The following PLEKHG7 variants were observed in gnomAD, a reference collection of about 807,000 sequenced individuals.
PLEKHG7 encodes pleckstrin homology domain-containing family G member 7.
Under a neutral mutation model 85.2 loss-of-function variants are expected in PLEKHG7, and 77 were observed. The observed-to-expected ratio is 0.90, with a 90% confidence interval of 0.75 to 1.09. The LOEUF is 1.09. PLEKHG7 is among the 50% of genes least tolerant of loss of function. The pLI is 0.00. For synonymous variants in PLEKHG7, 301 were observed against 302.4 expected (o/e 1.00, Z 0.05); for missense variants, 777 against 804.3 (o/e 0.97, Z 0.41).
chr12:92,716,952 C>T (rs539908145), intron 3 of PLEKHG7, among the ~76,000 whole-genome samples: 20 of 152,336 alleles, frequency 1.3e-4, no homozygotes, highest in Middle Eastern at 6.8e-3. Flanking sequence ...ATCCCCAATG[C>T]ATTTGCATTT....
chr12:92,728,913 T>C (rs1871901610), intron 3 of PLEKHG7, 80 bp from the exon 4 acceptor site: 6 of 1,118,296 alleles, frequency 5.4e-6, no homozygotes, highest in Non-Finnish European at 6.8e-6. Context: ...TCTGTTGTTT[T>C]TTTACTTTTT....
chr12:92,731,487 T>C (rs1871992187), intron 4 of PLEKHG7, among the ~76,000 whole-genome samples: 1 of 152,220 alleles, frequency 6.6e-6, no homozygotes, highest in Admixed American at 6.5e-5. Context: ...CCATTTTGTA[T>C]GCTGAATGGT....
At chr12:92,752,467 A>G (rs1872716860) in intron 10 of PLEKHG7, among the ~76,000 whole-genome samples, 1 of 152,028 alleles carries the variant, frequency 6.6e-6, no homozygotes. Context: ...CTAGGGGAGG[A>G]GTTTAGACCT....
intron 15 of PLEKHG7, among the ~76,000 whole-genome samples, chr12:92,767,311 A>T: frequency 6.6e-6 from 1 of 152,190 alleles, no homozygotes; most frequent in East Asian, 1.9e-4. Context: ...TTTATTTATA[A>T]AGTCCCTTGT....
rs1331130340 is a variant in PLEKHG7 at position 92,770,773 on chromosome 12, G to A, written c.*578G>A. 1 of 151,952 alleles carries A rather than the reference G, an allele frequency of 6.6e-6. No homozygotes were observed. The highest frequency in any genetic ancestry group is 6.6e-5 in the Admixed American group (1 of 15,256). 9.4% of individuals were successfully genotyped at this position (151,952 alleles called of 1,614,324 possible). ...TTCTCAAACTCATCTCAGGTATATAGTACTCTAACGTGGAAGTAGAAAATC... is the reference window on the plus strand; with the variant it reads ...TTCTCAAACTCATCTCAGGTATATAATACTCTAACGTGGAAGTAGAAAATC... On this transcript the variant is annotated 3_prime_UTR_variant, in exon 17 of 17. Coordinates refer to ENST00000344636, the MANE Select transcript of PLEKHG7 (RefSeq NM_001377329.1).
chr12:92,706,774 C>T lies in PLEKHG7; in HGVS notation c.143C>T (p.Ser48Leu), dbSNP rs768522315. 3.7e-6 allele frequency: 6 copies of T among 1,614,036 alleles called. No homozygotes were observed. Among genetic ancestry groups the T allele is most frequent in the Admixed American group, 3.3e-5 (2 of 60,020 alleles). ...CAAGCCCCAGGCCGCATCTCCACCT[C>T]GCCCACTTTGAGGAGATTAAGGACC... is the stretch of plus-strand genomic sequence containing the variant. ...DRQAPGRISTSPTLRRLRTRG... is the reference protein window; with the variant it reads ...DRQAPGRISTLPTLRRLRTRG... Residue 48 changes from serine to leucine, a missense_variant, in exon 2 of 17, where the codon TCG becomes TTG. By Grantham distance (145) the Ser-to-Leu change is moderately radical. Coordinates refer to ENST00000344636, the MANE Select transcript of PLEKHG7 (RefSeq NM_001377329.1).
chr12:92,765,476 A>G (rs1873167287), intron 15 of PLEKHG7, among the ~76,000 whole-genome samples: 3 of 152,042 alleles, frequency 2.0e-5, no homozygotes, highest in Non-Finnish European at 4.4e-5. Context: ...CTAAAAATAC[A>G]AAATTAGCCA....
At chr12:92,755,166 T>A (rs1872793702) in intron 11 of PLEKHG7, among the ~76,000 whole-genome samples, 1 of 152,186 alleles carries the variant, frequency 6.6e-6, no homozygotes. Flanking sequence ...CTCTGGAGAT[T>A]TCTCAGTGAA....
chr12:92,766,942 G>A (rs761578513), intron 15 of PLEKHG7, among the ~76,000 whole-genome samples: 13 of 152,092 alleles, frequency 8.5e-5, no homozygotes, highest in Non-Finnish European at 4.4e-5. Context: ...CTATTAACTT[G>A]ACTAATTAGA....
At chr12:92,725,490 G>A (rs1241156718) in intron 3 of PLEKHG7, among the ~76,000 whole-genome samples, 2 of 152,122 alleles carry the variant, frequency 1.3e-5, no homozygotes, top group Non-Finnish European at 2.9e-5. Context: ...GGTAAGAGGC[G>A]ACCATGTTAA....
At chr12:92,744,058 C>T (rs1227851988) in intron 9 of PLEKHG7, among the ~76,000 whole-genome samples, 1 of 152,180 alleles carries the variant, frequency 6.6e-6, no homozygotes, top group Non-Finnish European at 1.5e-5. Flanking sequence ...TGACATTGCT[C>T]CCTATAGTGT....
intron 15 of PLEKHG7, among the ~76,000 whole-genome samples, chr12:92,765,184 C>CT (rs1873155614): frequency 6.6e-6 from 1 of 152,026 alleles, no homozygotes; most frequent in African/African-American, 2.4e-5. Flanking sequence ...TGCTACATAA[C>CT]TAAGTTATAT....
intron 10 of PLEKHG7, among the ~76,000 whole-genome samples, chr12:92,752,462 G>A (rs1872716694): frequency 6.6e-6 from 1 of 152,104 alleles, no homozygotes; most frequent in African/African-American, 2.4e-5. Flanking sequence ...AATATCTAGG[G>A]GAGGAGTTTA....
intron 3 of PLEKHG7, among the ~76,000 whole-genome samples, chr12:92,718,308 C>T (rs980211172): frequency 2.0e-5 from 3 of 152,222 alleles, no homozygotes; most frequent in Non-Finnish European, 4.4e-5. Context: ...GCCACTCTTC[C>T]AGCAGCATCA....
rs143012321 is a variant in PLEKHG7, at chr12:92,704,021, G to T, written c.-162+889G>T. ...TATACTGAATTCCTTTAACATTGTT[G>T]CTGCCTAGAACTTGGACAGTCTTCT... On this transcript the variant is annotated intron_variant, in intron 1 of 16. Coordinates refer to ENST00000344636, the MANE Select transcript of PLEKHG7 (RefSeq NM_001377329.1). Among the ~76,000 whole-genome samples, 1,133 of 152,316 alleles carry T rather than the reference G, an allele frequency of 7.4e-3. 22 individuals are homozygous for T. Among genetic ancestry groups the T allele is most frequent in the African/African-American group, 0.025 (1,059 of 41,568 alleles).
rs146527366 is a variant in PLEKHG7 at position 92,714,309 on chromosome 12, G to C, written c.530+6637G>C. 4.3e-3 allele frequency among the ~76,000 whole-genome samples: 653 copies of C among 152,316 alleles called. 6 individuals are homozygous for C. Among genetic ancestry groups the C allele is most frequent in the African/African-American group, 0.015 (625 of 41,564 alleles). On this transcript the variant is annotated intron_variant, in intron 3 of 16. Coordinates refer to ENST00000344636, the MANE Select transcript of PLEKHG7 (RefSeq NM_001377329.1). The stretch of plus-strand genomic sequence containing the variant: ...GGGGATGTTGCCACTACTGGGGATG[G>C]GGAAGCTGTTTTTTTCTAGCAAAAA...
intron 9 of PLEKHG7, among the ~76,000 whole-genome samples, chr12:92,743,914 T>C (rs1157362005): frequency 6.6e-6 from 1 of 152,134 alleles, no homozygotes; most frequent in African/African-American, 2.4e-5. Context: ...GTTCCAACAT[T>C]TCTCAAGCAT....
chr12:92,725,693 T>C (rs1033816805), intron 3 of PLEKHG7, among the ~76,000 whole-genome samples: 3 of 152,220 alleles, frequency 2.0e-5, no homozygotes, highest in African/African-American at 7.2e-5. Flanking sequence ...ATATATTTTG[T>C]AAAAAATTAT....
At chr12:92,737,907 C>T (rs1372313457) in intron 7 of PLEKHG7, among the ~76,000 whole-genome samples, 3 of 152,124 alleles carry the variant, frequency 2.0e-5, no homozygotes, top group Admixed American at 6.5e-5. Flanking sequence ...TGGATGAGAT[C>T]GTCTAAGTGA....
Sources: allele counts gnomAD v4.1 joint callset (sites outside exome capture counted in the v4.1 genomes callset), GRCh38; gene constraint gnomAD v4.1.1; transcripts MANE v1.5; gene names NCBI Gene and HGNC (gene_info 2026-07-23, HGNC 2026-07-21).